The following CLOCK variants were observed in gnomAD, a reference collection of about 807,000 sequenced individuals.
CLOCK encodes clock circadian regulator, also known as circadian locomoter output cycles protein kaput.
A neutral mutation model predicts 118.4 loss-of-function variants in CLOCK; 43 were observed. That is an observed-to-expected ratio of 0.36 (90% CI 0.28 to 0.47). The LOEUF is 0.47. CLOCK is among the 20% of genes least tolerant of loss of function. The pLI is 1.00. For missense variants in CLOCK, 846 were observed against 999.9 expected (o/e 0.85, Z 2.08); for synonymous variants, 326 against 339.2 (o/e 0.96, Z 0.43).
intron 15 of CLOCK, among the ~76,000 whole-genome samples, chr4:55,451,397 CCCT>C (rs1724436554): frequency 6.6e-6 from 1 of 152,140 alleles, no homozygotes; most frequent in African/African-American, 2.4e-5. Flanking sequence ...GCTATTACCC[CCCT>C]GTTGTTGATT....
chr4:55,441,639 C>T (rs529023492), intron 21 of CLOCK, among the ~76,000 whole-genome samples: 5 of 152,266 alleles, frequency 3.3e-5, no homozygotes, highest in Admixed American at 6.5e-5. Flanking sequence ...AATGGAAAAC[C>T]AAACACCATA....
intron 15 of CLOCK, among the ~76,000 whole-genome samples, chr4:55,450,702 G>A (rs1724357555): frequency 6.6e-6 from 1 of 151,998 alleles, no homozygotes; most frequent in African/African-American, 2.4e-5. Context: ...TGAGGAGGCG[G>A]AGGATGTAGT....
chr4:55,532,734 C>T (rs1352742606), intron 1 of CLOCK, among the ~76,000 whole-genome samples: 1 of 151,966 alleles, frequency 6.6e-6, no homozygotes, highest in Non-Finnish European at 1.5e-5. Flanking sequence ...TTAGTCCCAG[C>T]TTCTTGGGAG....
intron 21 of CLOCK, among the ~76,000 whole-genome samples, chr4:55,440,054 T>G (rs1290597513): frequency 6.6e-6 from 1 of 152,178 alleles, no homozygotes; most frequent in Non-Finnish European, 1.5e-5. Context: ...CTTTTTCTTT[T>G]TATAAAATTA....
intron 7 of CLOCK, among the ~76,000 whole-genome samples, chr4:55,473,961 A>C (rs1560442169): frequency 1.3e-5 from 2 of 152,152 alleles, no homozygotes; most frequent in Non-Finnish European, 2.9e-5. Flanking sequence ...CAATACTGAA[A>C]TTAGGCCAAT....
At chr4:55,525,635 A>T (rs1366180948) in intron 1 of CLOCK, among the ~76,000 whole-genome samples, 1 of 151,920 alleles carries the variant, frequency 6.6e-6, no homozygotes, top group Non-Finnish European at 1.5e-5. Flanking sequence ...TGCCCAGCTA[A>T]TTTTTTGTAT....
chr4:55,540,761 G>A (rs1038339179), intron 1 of CLOCK: 1 of 152,214 alleles, frequency 6.6e-6, no homozygotes, highest in East Asian at 1.9e-4. Flanking sequence ...GACACCTGCC[G>A]AGCCAGCCAG....
chr4:55,466,847 T>C (rs971481616), intron 8 of CLOCK, among the ~76,000 whole-genome samples: 1 of 152,238 alleles, frequency 6.6e-6, no homozygotes, highest in African/African-American at 2.4e-5. Context: ...TGGTAACTAC[T>C]TGGATCTTTT....
At chr4:55,505,283 A>C (rs768268310) in intron 2 of CLOCK, among the ~76,000 whole-genome samples, 6 of 152,200 alleles carry the variant, frequency 3.9e-5, no homozygotes, top group Admixed American at 3.3e-4. Flanking sequence ...ATGTAAAAGC[A>C]GTTTGAAAAA....
intron 11 of CLOCK, 134 bp downstream of exon 11, chr4:55,458,758 C>T: frequency 1.5e-6 from 1 of 665,980 alleles, no homozygotes; most frequent in East Asian, 2.7e-5. Flanking sequence ...GTCTTGATAA[C>T]TCATCGTTTC....
chr4:55,505,161 C>A (rs115450435), intron 2 of CLOCK, among the ~76,000 whole-genome samples: 13 of 141,412 alleles, frequency 9.2e-5, no homozygotes, highest in Admixed American at 1.4e-4. Flanking sequence ...ACCCCCCCAC[C>A]AAAAAAAAAA....
At chr4:55,498,684 GCCAAGA>G (rs1484606450) in intron 2 of CLOCK, among the ~76,000 whole-genome samples, 1 of 151,722 alleles carries the variant, frequency 6.6e-6, no homozygotes, top group African/African-American at 2.4e-5. Flanking sequence ...AAAATGGCAG[GCCAAGA>G]CCATATCTCA....
intron 18 of CLOCK, among the ~76,000 whole-genome samples, 192 bp downstream of exon 18, chr4:55,448,587 C>A (rs1335675916): frequency 1.3e-5 from 1 of 74,928 alleles, no homozygotes; most frequent in Non-Finnish European, 2.7e-5. Flanking sequence ...TATATGTGCG[C>A]GCGCGCACGC....
chr4:55,475,564 A>G (rs1344696659), intron 7 of CLOCK, among the ~76,000 whole-genome samples: 1 of 152,152 alleles, frequency 6.6e-6, no homozygotes, highest in Non-Finnish European at 1.5e-5. Context: ...CAGTGTGGCA[A>G]ACTTCATTGC....
chr4:55,479,588 ATATTT>A (rs1249026741), intron 5 of CLOCK, 47 bp downstream of exon 5: 76 of 1,338,130 alleles, frequency 5.7e-5, no homozygotes, highest in Non-Finnish European at 8.5e-6. Context: ...ATTTACCATT[ATATTT>A]ATCTATTATT....
At chr4:55,470,434 G>GT in intron 8 of CLOCK, among the ~76,000 whole-genome samples, 1 of 152,280 alleles carries the variant, frequency 6.6e-6, no homozygotes, top group Middle Eastern at 3.4e-3. Context: ...ACACATCGAG[G>GT]TTTTTATAAG....
intron 3 of CLOCK, among the ~76,000 whole-genome samples, chr4:55,484,663 A>G (rs749222564): frequency 7.2e-5 from 11 of 152,152 alleles, no homozygotes; most frequent in Admixed American, 2.6e-4. Context: ...GTTAAGAGTA[A>G]AAAGTTCAAA....
chr4:55,486,805 T>C (rs1263854341), intron 3 of CLOCK, among the ~76,000 whole-genome samples: 1 of 152,172 alleles, frequency 6.6e-6, no homozygotes, highest in Non-Finnish European at 1.5e-5. Context: ...TTTTCTAAAA[T>C]TGAACAGTGA....
intron 1 of CLOCK, among the ~76,000 whole-genome samples, chr4:55,523,474 C>T (rs578065698): frequency 5.7e-4 from 83 of 145,426 alleles, no homozygotes; most frequent in African/African-American, 1.8e-3. Context: ...ATTATTTATA[C>T]GAGAATAAAG....
Sources: gnomAD v4.1 joint callset for allele counts (sites outside exome capture counted in the v4.1 genomes callset) on GRCh38, gnomAD v4.1.1 for gene constraint, MANE v1.5 for transcripts, NCBI Gene and HGNC (gene_info 2026-07-23, HGNC 2026-07-21) for gene names.